The following TRMT2B variants were observed in gnomAD, a reference collection of about 807,000 sequenced individuals.
TRMT2B encodes the protein tRNA (uracil-5-)-methyltransferase homolog B.
TRMT2B carries 34 observed loss-of-function variants against 39.7 expected under a neutral mutation model. The ratio of observed to expected loss-of-function variants is 0.86; its 90% CI spans 0.65 to 1.14. TRMT2B has a LOEUF of 1.14. TRMT2B is among the 50% of genes most tolerant of loss of function. The pLI is 0.00. For missense variants in TRMT2B, 318 were observed against 377.2 expected (o/e 0.84, Z 1.30); for synonymous variants, 132 against 137.3 (o/e 0.96, Z 0.27).
the TRMT2B span, among the ~76,000 whole-genome samples, chrX:100,981,280 C>A: frequency 8.9e-6 from 1 of 112,124 alleles, no homozygotes; most frequent in Non-Finnish European, 1.9e-5. Context: ...CTGGCTAGGG[C>A]TGGTCTAAAT....
intron 8 of TRMT2B, among the ~76,000 whole-genome samples, chrX:101,023,144 A>T (rs2086881722): frequency 1.8e-5 from 2 of 112,388 alleles, no homozygotes; most frequent in South Asian, 7.4e-4. Flanking sequence ...TGAAATTCTG[A>T]CACTGCAGTC....
chrX:100,977,450 G>A, the TRMT2B span, among the ~76,000 whole-genome samples: 1 of 96,748 alleles, frequency 1.0e-5, no homozygotes, highest in Non-Finnish European at 2.0e-5. Flanking sequence ...GCACGATCTC[G>A]GCTCACTGCA....
At chrX:101,033,361 G>A (rs910625720) in intron 7 of TRMT2B, among the ~76,000 whole-genome samples, 4 of 108,921 alleles carry the variant, frequency 3.7e-5, no homozygotes, top group Non-Finnish European at 7.6e-5. Flanking sequence ...TTGGGAGGGC[G>A]AGGCGGGCGG....
the TRMT2B span, among the ~76,000 whole-genome samples, chrX:100,982,364 G>T: frequency 9.1e-6 from 1 of 110,411 alleles, no homozygotes; most frequent in South Asian, 3.8e-4. Context: ...TGGTGGTGGG[G>T]GCCTGTAATC....
intron 7 of TRMT2B, among the ~76,000 whole-genome samples, chrX:101,026,270 A>G (rs373117703): frequency 1.1e-4 from 12 of 110,307 alleles, no homozygotes; most frequent in African/African-American, 4.0e-4. Context: ...TGAGGTCAGG[A>G]GTTTGAGACC....
chrX:100,995,288 G>A, the TRMT2B span, among the ~76,000 whole-genome samples: 2 of 111,903 alleles, frequency 1.8e-5, no homozygotes, highest in Non-Finnish European at 3.8e-5. Flanking sequence ...AAGAACTATA[G>A]CCATGGCACC....
rs762916550 is a variant in TRMT2B at position 101,016,503 on chromosome X, G to T, written c.1388+2468C>A. ...TTGATTTTTTTTTTTTTGAGACAGG[G>T]TCTCACTCTGTCACCCAGGCTGGAG... is the stretch of plus-strand genomic sequence containing the variant. On this transcript the variant is annotated intron_variant, in intron 13 of 13. Coordinates refer to ENST00000372936, the MANE Select transcript of TRMT2B (RefSeq NM_024917.6). 1.3e-3 allele frequency among the ~76,000 whole-genome samples: 142 copies of T among 108,884 alleles called. 1 individual carries two copies. The Middle Eastern group carries it at 0.028, about 22-fold the overall frequency. 94.6% of individuals were successfully genotyped at this position (108,884 alleles called of 115,157 possible). A position where few individuals can be genotyped will look rare whatever the true frequency, so the allele number is the denominator to read the frequency against.
downstream of TRMT2B, among the ~76,000 whole-genome samples, chrX:101,008,545 C>T (rs913890462): frequency 2.7e-5 from 3 of 111,038 alleles, no homozygotes; most frequent in East Asian, 2.8e-4. Context: ...TCGCTTGAAC[C>T]GGGAGGCGGA....
At chrX:101,041,505 G>T in intron 3 of TRMT2B, 134 bp from the exon 4 acceptor site, 1 of 563,033 alleles carries the variant, frequency 1.8e-6, no homozygotes, top group South Asian at 3.5e-5. Flanking sequence ...AGCCCATTTT[G>T]ATGTTGTCTA....
At chrX:101,024,504 G>C (rs2086962144) in intron 7 of TRMT2B, among the ~76,000 whole-genome samples, 1 of 110,716 alleles carries the variant, frequency 9.0e-6, no homozygotes, top group South Asian at 3.9e-4. Flanking sequence ...AAGACCACCT[G>C]GGCAACATGG....
the TRMT2B span, among the ~76,000 whole-genome samples, chrX:101,004,194 G>A: frequency 9.1e-6 from 1 of 110,189 alleles, no homozygotes; most frequent in Non-Finnish European, 1.9e-5. Context: ...GTGGAGATAG[G>A]GTTTTGCCAT....
At chrX:100,990,544 T>C in the TRMT2B span, 1 of 1,133,416 alleles carries the variant, frequency 8.8e-7, no homozygotes, top group Non-Finnish European at 1.2e-6. Flanking sequence ...CTGTTGTTCC[T>C]GTATATCTAT....
rs5920880 is a variant in TRMT2B, at chrX:101,019,407, T to C, written c.1169-4A>G. On this transcript the variant is annotated splice_region_variant and splice_polypyrimidine_tract_variant and intron_variant, in intron 11 of 13. Coordinates refer to ENST00000372936, the MANE Select transcript of TRMT2B (RefSeq NM_024917.6). ...TGAAATTCAGAGTTGGTGATGCCTA[T>C]GGAAGACAGGCCCACAGGACATAAC... 8.3e-7 allele frequency: 1 copy of C among 1,210,890 alleles called. No individual in the cohort carries two copies.
rs1248034546 is a variant in TRMT2B at position 101,023,531 on chromosome X, C to T, written c.695G>A (p.Arg232His). 5.8e-6 allele frequency: 7 copies of T among 1,208,794 alleles called. No homozygotes were observed. Among genetic ancestry groups the T allele is most frequent in the Middle Eastern group, 2.3e-4 (1 of 4,371 alleles). The change falls in exon 8 of 14, where the codon CGC (arginine) becomes CAC (histidine). Residue 232 changes from arginine to histidine, a missense_variant. By Grantham distance (29) the Arg-to-His change is conservative. Transcript: ENST00000372936. ...EGGYWRELTVRTNSQGHTMAI... is the reference protein window; with the variant it reads ...EGGYWRELTVHTNSQGHTMAI... ...CATTGTGTGCCCTTGGCTATTGGTG[C>T]GGACTGTGAGCTCACGCCAGTATCC...
At chrX:101,043,468 G>A (rs2088387233) in intron 2 of TRMT2B, 1 of 112,088 alleles carries the variant, frequency 8.9e-6, no homozygotes, top group African/African-American at 3.2e-5. Context: ...TACTCAGGAG[G>A]CTGAGGCAGG....
At chrX:101,010,918 C>T (rs1318623207) in intron 13 of TRMT2B, among the ~76,000 whole-genome samples, 1 of 111,890 alleles carries the variant, frequency 8.9e-6, no homozygotes, top group Non-Finnish European at 1.9e-5. Flanking sequence ...GAAGTAAACA[C>T]TGCTTAATAT....
chrX:101,039,897 TAA>T (rs375388228), intron 4 of TRMT2B, among the ~76,000 whole-genome samples: 1 of 96,117 alleles, frequency 1.0e-5, no homozygotes. Context: ...AGACGCTATC[TAA>T]AAAAAAAAAA....
intron 7 of TRMT2B, 89 bp from the exon 8 acceptor site, chrX:101,023,705 T>C: frequency 1.0e-6 from 1 of 971,561 alleles, no homozygotes; most frequent in Non-Finnish European, 1.4e-6. Context: ...TGTTACATTG[T>C]GTCCCCCAAA....
chrX:100,992,092 A>G, the TRMT2B span, among the ~76,000 whole-genome samples: 4 of 111,750 alleles, frequency 3.6e-5, no homozygotes, highest in African/African-American at 1.3e-4. Context: ...GGATATCCCA[A>G]TTACACTGAT....
Sources: gnomAD v4.1 joint callset for allele counts (sites outside exome capture counted in the v4.1 genomes callset) on GRCh38, gnomAD v4.1.1 for gene constraint, MANE v1.5 for transcripts, NCBI Gene and HGNC (gene_info 2026-07-23, HGNC 2026-07-21) for gene names.